LAMA2: variants seen among roughly 807,000 people sequenced by gnomAD.
LAMA2 encodes laminin subunit alpha-2.
LAMA2 carries 269 observed loss-of-function variants against 364.8 expected under a neutral mutation model. That is an observed-to-expected ratio of 0.74 (90% confidence interval 0.67 to 0.82). LAMA2 has a LOEUF of 0.82. Ranked by LOEUF, LAMA2 falls within the 40% of genes least tolerant of loss-of-function variation. The pLI is 0.00. For missense variants in LAMA2, 3,807 were observed against 3,873.2 expected (o/e 0.98, Z 0.45); for synonymous variants, 1,379 against 1,370.6 (o/e 1.01, Z -0.14).
chr6:129,142,427 C>T (rs1778180395), intron 4 of LAMA2, among the ~76,000 whole-genome samples: 1 of 151,852 alleles, frequency 6.6e-6, no homozygotes, highest in African/African-American at 2.4e-5. Flanking sequence ...GGTCACTAAT[C>T]TCATTCAGGA....
intron 1 of LAMA2, among the ~76,000 whole-genome samples, chr6:128,958,854 C>A (rs1050190697): frequency 6.6e-6 from 1 of 152,070 alleles, no homozygotes; most frequent in African/African-American, 2.4e-5. Flanking sequence ...CATTTACCCC[C>A]GGATTTAAAA....
chr6:129,174,166 C>G (rs1283768205), intron 9 of LAMA2, among the ~76,000 whole-genome samples: 1 of 151,928 alleles, frequency 6.6e-6, no homozygotes, highest in Non-Finnish European at 1.5e-5. Flanking sequence ...AATCCTAGAA[C>G]TCTCATCTAT....
chr6:129,089,179 G>A (rs942018498), intron 3 of LAMA2, among the ~76,000 whole-genome samples: 6 of 152,232 alleles, frequency 3.9e-5, no homozygotes, highest in Admixed American at 3.9e-4. Flanking sequence ...AAGTGACTCT[G>A]ATCTGTTGAA....
chr6:129,297,261 A>G (rs1773244771), intron 20 of LAMA2, among the ~76,000 whole-genome samples: 1 of 152,200 alleles, frequency 6.6e-6, no homozygotes, highest in Non-Finnish European at 1.5e-5. Context: ...CTGGTCAATA[A>G]TGTTGAAAGT....
chr6:129,030,994 A>G (rs981204258), intron 1 of LAMA2, among the ~76,000 whole-genome samples: 4 of 152,214 alleles, frequency 2.6e-5, no homozygotes, highest in Non-Finnish European at 4.4e-5. Context: ...CTGAGAGTTT[A>G]TATGTGCTTG....
intron 4 of LAMA2, among the ~76,000 whole-genome samples, chr6:129,108,477 A>G (rs1775960241): frequency 6.6e-6 from 1 of 152,116 alleles, no homozygotes; most frequent in South Asian, 2.1e-4. Flanking sequence ...CTACATGGCA[A>G]TAGGAAATAT....
intron 4 of LAMA2, among the ~76,000 whole-genome samples, chr6:129,123,339 A>G (rs2114922569): frequency 6.6e-6 from 1 of 151,382 alleles, no homozygotes; most frequent in African/African-American, 2.4e-5. Context: ...CATATGATCC[A>G]GCCTTCTCAC....
At chr6:129,336,976 TAACA>T (rs1775993134) in intron 29 of LAMA2, among the ~76,000 whole-genome samples, 3 of 152,232 alleles carry the variant, frequency 2.0e-5, no homozygotes, top group African/African-American at 4.8e-5. Context: ...GAATTACAGT[TAACA>T]AGATGAGATT....
intron 12 of LAMA2, among the ~76,000 whole-genome samples, chr6:129,194,683 C>T (rs1407121476): frequency 1.3e-5 from 2 of 152,026 alleles, no homozygotes; most frequent in African/African-American, 2.4e-5. Flanking sequence ...ACGTGGAAGC[C>T]CTTGGTGGTT....
intron 12 of LAMA2, among the ~76,000 whole-genome samples, chr6:129,221,305 T>C (rs1327495387): frequency 6.6e-6 from 1 of 150,378 alleles, no homozygotes; most frequent in Non-Finnish European, 1.5e-5. Flanking sequence ...TCTTTTTTTT[T>C]TTTTTTCATT....
intron 7 of LAMA2, among the ~76,000 whole-genome samples, chr6:129,149,755 A>C (rs1230338818): frequency 6.6e-6 from 1 of 152,198 alleles, no homozygotes; most frequent in African/African-American, 2.4e-5. Flanking sequence ...TGTTTGAAAA[A>C]AAGTTGCATC....
rs746608333 is a variant in LAMA2 at position 129,403,939 on chromosome 6, G to T, written c.5845G>T (p.Ala1949Ser). The change falls in exon 40 of 65, where the codon GCA (alanine) becomes TCA (serine). Residue 1949 changes from alanine (A) to serine (S), a missense_variant. Around this residue, in one of 3 missense-constraint regions of LAMA2, gnomAD observed 3,333 missense variants for 3,345.7 expected, o/e 1.00. Transcript: ENST00000421865. ...AGTTGCCAAAGAAGCCAAAGATCTT[G>T]CACATGAAGCTACAAAACTGGTAAG... ...EKVAKEAKDL[A>S]HEATKLATGP... The T allele has an allele frequency of 1.2e-6, 2 of 1,613,888 alleles. No homozygotes were observed. The highest frequency in any genetic ancestry group is 1.1e-5 in the South Asian group (1 of 91,074).
chr6:129,158,840 G>A (rs1400551263), intron 8 of LAMA2: 1 of 1,613,972 alleles, frequency 6.2e-7, no homozygotes, highest in Non-Finnish European at 8.5e-7. Context: ...AGCTAATGTG[G>A]TTTCTCCCTG....
intron 3 of LAMA2, among the ~76,000 whole-genome samples, chr6:129,076,500 A>ATAC (rs60878641): frequency 3.6e-5 from 5 of 140,278 alleles, no homozygotes; most frequent in Admixed American, 7.4e-5. Flanking sequence ...ATTATATATA[A>ATAC]ATATATATAT....
At chr6:129,458,196 T>G (rs1237890078) in intron 48 of LAMA2, among the ~76,000 whole-genome samples, 3 of 152,100 alleles carry the variant, frequency 2.0e-5, no homozygotes, top group African/African-American at 7.2e-5. Flanking sequence ...ACTCTCAACA[T>G]CTTGCTTCAC....
chr6:129,090,571 A>AT (rs34012718), intron 3 of LAMA2, among the ~76,000 whole-genome samples: 4 of 152,038 alleles, frequency 2.6e-5, no homozygotes, highest in Admixed American at 1.3e-4. Flanking sequence ...CTTGCAACTT[A>AT]TTTTTTTGAA....
intron 1 of LAMA2, among the ~76,000 whole-genome samples, chr6:128,964,582 G>C (rs116787592): frequency 1.7e-3 from 264 of 152,116 alleles, no homozygotes; most frequent in African/African-American, 6.0e-3. Flanking sequence ...TAAAGAATGG[G>C]TTTGAATCTA....
At chr6:129,416,229 C>G (rs965058357) in intron 40 of LAMA2, among the ~76,000 whole-genome samples, 1 of 150,674 alleles carries the variant, frequency 6.6e-6, no homozygotes, top group Non-Finnish European at 1.5e-5. Context: ...CGTGAGCCAC[C>G]GCGCCCGGCC....
intron 3 of LAMA2, among the ~76,000 whole-genome samples, chr6:129,091,519 A>G (rs1440575609): frequency 2.6e-5 from 4 of 152,158 alleles, no homozygotes; most frequent in African/African-American, 9.7e-5. Flanking sequence ...CTTACCTGCA[A>G]CTTCAGGAAT....
Sources: allele counts gnomAD v4.1 joint callset (sites outside exome capture counted in the v4.1 genomes callset), GRCh38; gene constraint gnomAD v4.1.1; regional missense constraint gnomAD v4.1.1; transcripts MANE v1.5; gene names NCBI Gene and HGNC (gene_info 2026-07-23, HGNC 2026-07-21).